SLC22A24: variants seen among roughly 807,000 people sequenced by gnomAD.
SLC22A24 encodes the protein solute carrier family 22 member 24.
A neutral mutation model predicts 49.8 loss-of-function variants in SLC22A24; 53 were observed. The ratio of observed to expected loss-of-function variants is 1.06; its 90% confidence interval spans 0.85 to 1.34. The LOEUF (loss-of-function observed/expected upper bound fraction) is 1.34, where lower values mean the gene tolerates loss of function less well. Among genes scored for constraint, SLC22A24 ranks in the 40% most tolerant of loss-of-function variants. The pLI is 0.00. For synonymous variants in SLC22A24, 302 were observed against 256.4 expected, an observed-to-expected ratio of 1.18 and a Z score of -1.70; for missense variants, 786 against 675.9, an observed-to-expected ratio of 1.16 and a Z score of -1.81.
intron 8 of SLC22A24, 147 bp from the exon 9 acceptor site, chr11:63,081,270 C>T: frequency 2.8e-6 from 2 of 717,226 alleles, no homozygotes; most frequent in Non-Finnish European, 4.6e-6. Context: ...TGACATTTAC[C>T]TCTGTTGGTT....
chr11:63,133,264 C>G (rs1429948814), intron 2 of SLC22A24, among the ~76,000 whole-genome samples: 1 of 152,218 alleles, frequency 6.6e-6, no homozygotes, highest in Non-Finnish European at 1.5e-5. Flanking sequence ...ATCCCTTGCA[C>G]TTCCTGGGTG....
rs1452768369 is a variant in SLC22A24, at chr11:63,083,917, C to T, written c.1071-460G>A. Among the ~76,000 whole-genome samples, 5 of 152,210 alleles carry T rather than the reference C, an allele frequency of 3.3e-5. No individual in the cohort carries two copies. In the East Asian group the frequency reaches 9.7e-4, roughly 29 times the overall value. On this transcript the variant is annotated intron_variant, in intron 6 of 9. Transcript: ENST00000612278. ...TGTGTGAGTCAAACTTCTCTGCTCC[C>T]GTTCAGAGACCTTCTTTACCTTAGT...
chr11:63,080,090 G>T (rs7926818), intron 9 of SLC22A24, 90 bp from the exon 10 acceptor site: 625,333 of 798,776 alleles, frequency 0.78, 246,365 homozygotes, highest in Admixed American at 0.86. Flanking sequence ...TGTGCCTGAG[G>T]ACAAGCTGCC....
chr11:63,080,461 G>T (rs1349672576), intron 9 of SLC22A24, among the ~76,000 whole-genome samples: 1 of 152,126 alleles, frequency 6.6e-6, no homozygotes, highest in Non-Finnish European at 1.5e-5. Flanking sequence ...CTATGCTGTA[G>T]TCCCATGATT....
intron 2 of SLC22A24, among the ~76,000 whole-genome samples, chr11:63,123,923 A>C (rs1216824868): frequency 2.0e-5 from 3 of 152,162 alleles, no homozygotes; most frequent in Non-Finnish European, 4.4e-5. Flanking sequence ...AAGTCTTTAA[A>C]AAGGTTTTAT....
At chr11:63,139,432 C>G (rs1349300423) in intron 1 of SLC22A24, among the ~76,000 whole-genome samples, 1 of 152,098 alleles carries the variant, frequency 6.6e-6, no homozygotes, top group Non-Finnish European at 1.5e-5. Context: ...TATGAAAGAG[C>G]TTGGTGTGTA....
At chr11:63,110,209 C>G (rs1333103153) in intron 4 of SLC22A24, among the ~76,000 whole-genome samples, 1 of 151,482 alleles carries the variant, frequency 6.6e-6, no homozygotes, top group African/African-American at 2.4e-5. Context: ...TGATCTATAT[C>G]TCTGTTTTGG....
chr11:63,095,933 A>G lies in SLC22A24; in HGVS notation c.1070+58T>C, dbSNP rs142762522. 8,607 of 1,228,384 alleles carry G rather than the reference A, an allele frequency of 7.0e-3. 46 individuals carry two copies. Among genetic ancestry groups the G allele is most frequent in the Non-Finnish European group, 8.9e-3 (7,598 of 858,208 alleles). The allele number at this position is 1,228,384 out of a possible 1,614,324, so 76.1% of individuals were successfully genotyped here. ...AATGCTGCTGCTAATCTTTTGAAAGAAGAAACAGTTTTGTGTCTCCAATAT... is the reference window on the plus strand; with the variant it reads ...AATGCTGCTGCTAATCTTTTGAAAGGAGAAACAGTTTTGTGTCTCCAATAT... On this transcript the variant is annotated intron_variant, in intron 6 of 9. Coordinates refer to ENST00000612278, the MANE Select transcript of SLC22A24 (RefSeq NM_001136506.2).
chr11:63,125,914 A>G (rs919654598), intron 2 of SLC22A24, among the ~76,000 whole-genome samples: 13 of 152,242 alleles, frequency 8.5e-5, no homozygotes, highest in Admixed American at 4.6e-4. Context: ...ACTGGTGATG[A>G]TGAGCATTTT....
chr11:63,081,266 T>C, intron 8 of SLC22A24, 143 bp from the exon 9 acceptor site: 1 of 723,730 alleles, frequency 1.4e-6, no homozygotes, highest in Non-Finnish European at 2.3e-6. Flanking sequence ...ATTGTGACAT[T>C]TACCTCTGTT....
rs137984064 is a variant in SLC22A24 at position 63,129,567 on chromosome 11, C to T, written c.506+5098G>A. On this transcript the variant is annotated intron_variant, in intron 2 of 9. Transcript: ENST00000612278. The stretch of plus-strand genomic sequence containing the variant: ...CATTGAATCTATAAATTACCTTGGA[C>T]AGTAGGACCATTTTCATGATATTGA... Among the ~76,000 whole-genome samples, 18 of 152,260 alleles carry T rather than the reference C, an allele frequency of 1.2e-4. No homozygotes were observed. The East Asian group carries it at 3.3e-3, about 28-fold the overall frequency.
intron 2 of SLC22A24, among the ~76,000 whole-genome samples, chr11:63,125,178 T>A (rs1356424227): frequency 6.6e-6 from 1 of 152,126 alleles, no homozygotes; most frequent in African/African-American, 2.4e-5. Flanking sequence ...TTTATTATAC[T>A]TTAAGTTCTG....
intron 2 of SLC22A24, among the ~76,000 whole-genome samples, chr11:63,120,131 T>C (rs1243005920): frequency 6.6e-6 from 1 of 151,342 alleles, no homozygotes; most frequent in African/African-American, 2.4e-5. Context: ...TTTAATTAGA[T>C]CCCATTTGTC....
chr11:63,113,350 G>A (rs1465084156), intron 4 of SLC22A24, among the ~76,000 whole-genome samples: 6 of 150,986 alleles, frequency 4.0e-5, no homozygotes, highest in East Asian at 3.9e-4. Flanking sequence ...TCATAGCATC[G>A]ATGGTCTTTA....
intron 4 of SLC22A24, among the ~76,000 whole-genome samples, chr11:63,116,493 A>G (rs2087214194): frequency 6.6e-6 from 1 of 152,108 alleles, no homozygotes; most frequent in Admixed American, 6.5e-5. Context: ...TCTCTTTTCC[A>G]TGATGAGTTA....
At chr11:63,122,328 G>C (rs4121458) in intron 2 of SLC22A24, among the ~76,000 whole-genome samples, 117,324 of 151,980 alleles carry the variant, frequency 0.77, 47,059 homozygotes, top group East Asian at 0.9. Context: ...CCGAGCTACT[G>C]TCTGAAAGAT....
chr11:63,119,149 G>A lies in SLC22A24; in HGVS notation c.661+32C>T, dbSNP rs149876412. ...AATTTCAAGGTCAATTCAAGACATGGAGATGATAAAATGCTCAAATTATTG... is the reference window on the plus strand; with the variant it reads ...AATTTCAAGGTCAATTCAAGACATGAAGATGATAAAATGCTCAAATTATTG... On this transcript the variant is annotated intron_variant, in intron 3 of 9. Coordinates refer to ENST00000612278, the MANE Select transcript of SLC22A24 (RefSeq NM_001136506.2). The A allele has an allele frequency of 1.4e-4, 215 of 1,529,160 alleles. 3 individuals carry two copies. The East Asian group carries it at 5.2e-3, about 37-fold the overall frequency. 94.7% of individuals were successfully genotyped at this position (1,529,160 alleles called of 1,614,324 possible).
chr11:63,130,735 C>A (rs1269784034), intron 2 of SLC22A24, among the ~76,000 whole-genome samples: 1 of 152,136 alleles, frequency 6.6e-6, no homozygotes, highest in Non-Finnish European at 1.5e-5. Context: ...TTATCAATTT[C>A]TTCTAGATTT....
At chr11:63,083,924 A>G (rs1318913374) in intron 6 of SLC22A24, among the ~76,000 whole-genome samples, 1 of 152,174 alleles carries the variant, frequency 6.6e-6, no homozygotes, top group Non-Finnish European at 1.5e-5. Context: ...TCCCGTTCAG[A>G]GACCTTCTTT....
Sources: allele counts gnomAD v4.1 joint callset (sites outside exome capture counted in the v4.1 genomes callset), GRCh38; gene constraint gnomAD v4.1.1; transcripts MANE v1.5; gene names NCBI Gene and HGNC (gene_info 2026-07-23, HGNC 2026-07-21).